The following GAA variants were observed in gnomAD, a reference collection of about 807,000 sequenced individuals.
GAA encodes the protein lysosomal alpha-glucosidase.
A neutral mutation model predicts 103.9 loss-of-function variants in GAA; 88 were observed. The observed-to-expected ratio is 0.85, with a 90% CI of 0.71 to 1.01. GAA has a LOEUF of 1.01. GAA is among the 50% of genes least tolerant of loss of function. The pLI is 0.00. For synonymous variants in GAA, 572 were observed against 563.1 expected (o/e 1.02, Z -0.22); for missense variants, 1,350 against 1,305.3 (o/e 1.03, Z -0.53).
intron 15 of GAA, among the ~76,000 whole-genome samples, chr17:80,114,102 A>AG (rs1197042592): frequency 1.3e-5 from 2 of 152,124 alleles, no homozygotes. Flanking sequence ...AAAAAAAAAA[A>AG]AAAGGTGAAC....
intron 13 of GAA, 74 bp from the exon 14 acceptor site, chr17:80,112,802 G>A (rs1249269076): frequency 1.3e-6 from 2 of 1,577,958 alleles, no homozygotes; most frequent in African/African-American, 1.3e-5. Flanking sequence ...CTTAGCAGGT[G>A]GGGCTCTGGG....
rs200524747 is a variant in GAA at position 80,105,131 on chromosome 17, C to T, written c.545C>T (p.Thr182Met). 37 of 1,604,036 alleles carry T rather than the reference C, an allele frequency of 2.3e-5. No homozygotes were observed. The highest frequency in any genetic ancestry group is 4.0e-5 in the African/African-American group (3 of 74,868). Residue 182 changes from threonine (T) to methionine (M), a missense_variant and splice_region_variant, in exon 2 of 20, where the codon ACG becomes ATG. Thr to Met is a moderately conservative substitution (Grantham distance 81, BLOSUM62 -1). Coordinates refer to ENST00000302262, the MANE Select transcript of GAA (RefSeq NM_000152.5). Reference sequence around the variant, plus strand: ...GAGACTGAGAACCGCCTCCACTTCACGGTGGGCAGGGCAGGGGCGGGGGCG... The same window carrying T: ...GAGACTGAGAACCGCCTCCACTTCATGGTGGGCAGGGCAGGGGCGGGGGCG... Reference protein sequence around the residue: ...MMETENRLHFTIKDPANRRYE... With the variant: ...MMETENRLHFMIKDPANRRYE...
At position 80,119,756 on chromosome 17, in the gene GAA, C is replaced by T. The variant is rs1358635466; in HGVS notation, c.*425C>T. 1 of 233,382 alleles carries T rather than the reference C, an allele frequency of 4.3e-6. No homozygotes were observed. Among genetic ancestry groups the T allele is most frequent in the Admixed American group, 5.0e-5 (1 of 19,994 alleles). 14.5% of individuals were successfully genotyped at this position (233,382 alleles called of 1,614,324 possible). The stretch of plus-strand genomic sequence containing the variant: ...CTGCCCCAACGCGACCGCTGCCCGG[C>T]TGCCCAGAGGGCTGGATGCCTGCCG... On this transcript the variant is annotated 3_prime_UTR_variant, in exon 20 of 20. Transcript: ENST00000302262.
rs121907938 is a variant in GAA at position 80,113,350 on chromosome 17, C to T, written c.2173C>T (p.Arg725Trp). ...QAHVAGETVA[R>W]PLFLEFPKDS... is the part of the protein sequence containing the mutation. ...CCACGTCGCGGGGGAGACCGTGGCCCGGCCCCTCTTCCTGGAGTGAGTGAC... is the reference window on the plus strand; with the variant it reads ...CCACGTCGCGGGGGAGACCGTGGCCTGGCCCCTCTTCCTGGAGTGAGTGAC... Residue 725 changes from arginine to tryptophan, a missense_variant, in exon 15 of 20, where the codon CGG becomes TGG. Transcript: ENST00000302262. 21 of 1,584,872 alleles carry T rather than the reference C, an allele frequency of 1.3e-5. No individual in the cohort carries two copies. The highest frequency in any genetic ancestry group is 2.3e-5 in the East Asian group (1 of 43,512).
intron 1 of GAA, among the ~76,000 whole-genome samples, chr17:80,103,727 C>T (rs528836976): frequency 7.2e-5 from 11 of 152,272 alleles, no homozygotes; most frequent in Non-Finnish European, 1.3e-4. Flanking sequence ...TCCCCATGTA[C>T]CTCGGGGGCC....
Position 80,112,073 on chromosome 17 carries a change from G to A in GAA, c.1727G>A (p.Gly576Asp), listed in dbSNP as rs1555601255. 2 of 1,614,018 alleles carry A rather than the reference G, an allele frequency of 1.2e-6. No individual in the cohort carries two copies. Among genetic ancestry groups the A allele is most frequent in the South Asian group, 1.1e-5 (1 of 91,088 alleles). The change falls in exon 12 of 20, where the codon GGC becomes GAC. Residue 576 changes from glycine to aspartate, a missense_variant. Transcript: ENST00000302262. ...STHYNLHNLY[G>D]LTEAIASHRA... is the part of the protein sequence containing the mutation. The stretch of plus-strand genomic sequence containing the variant: ...CACTACAACCTGCACAACCTCTACG[G>A]CCTGACCGAAGCCATCGCCTCCCAC...
Position 80,108,516 on chromosome 17 carries a change from G to T in GAA, c.1103G>T (p.Gly368Val), listed in dbSNP as rs368244038. Residue 368 changes from glycine to valine, a missense_variant, in exon 7 of 20, where the codon GGC becomes GTC. Coordinates refer to ENST00000302262, the MANE Select transcript of GAA (RefSeq NM_000152.5). The stretch of plus-strand genomic sequence containing the variant: ...TACCCGTTCATGCCGCCATACTGGG[G>T]CCTGGGCTTCCACCTGTGCCGCTGG... ...VGYPFMPPYW[G>V]LGFHLCRWGY... The T allele has an allele frequency of 1.2e-6, 2 of 1,613,004 alleles. No homozygotes were observed. Among genetic ancestry groups the T allele is most frequent in the African/African-American group, 1.3e-5 (1 of 74,932 alleles).
intron 16 of GAA, 130 bp from the exon 17 acceptor site, chr17:80,117,470 A>G: frequency 9.1e-7 from 1 of 1,092,920 alleles, no homozygotes; most frequent in African/African-American, 1.5e-5. Flanking sequence ...CTGAAGTCAC[A>G]GTTCAGCCCG....
rs769733901 is a variant in GAA at position 80,104,670 on chromosome 17, G to A, written c.84G>A (p.Gly28=). Residue 28 remains glycine (G), a synonymous_variant, in exon 2 of 20, where the codon GGG becomes GGA. Coordinates refer to ENST00000302262, the MANE Select transcript of GAA (RefSeq NM_000152.5). The surrounding 1 kb of genome is among the most constrained non-coding windows in gnomAD (Gnocchi z 4.0). Reference sequence around the variant, plus strand: ...CCTTGGCAACCGCTGCACTCCTGGGGCACATCCTACTCCATGATTTCCTGC... The same window carrying A: ...CCTTGGCAACCGCTGCACTCCTGGGACACATCCTACTCCATGATTTCCTGC... ...LVSLATAALL[G]HILLHDFLLV... 3 of 1,613,318 alleles carry A rather than the reference G, an allele frequency of 1.9e-6. No homozygotes were observed. The highest frequency in any genetic ancestry group is 1.1e-5 in the South Asian group (1 of 91,078).
rs1319931632 is a variant in GAA, at chr17:80,118,695, G to A, written c.2689G>A (p.Ala897Thr). The A allele has an allele frequency of 6.2e-7, 1 of 1,613,096 alleles. No individual in the cohort carries two copies. Residue 897 changes from alanine (A) to threonine (T), a missense_variant, in exon 19 of 20, where the codon GCT becomes ACT. Transcript: ENST00000302262. ...GCTGGTACGTGTGACCAGTGAGGGA[G>A]CTGGCCTGCAGCTGCAGAAGGTGAC... ...NELVRVTSEG[A>T]GLQLQKVTVL...
At chr17:80,112,846 C>T (rs748953146) in intron 13 of GAA, 30 bp from the exon 14 acceptor site, 24 of 1,599,132 alleles carry the variant, frequency 1.5e-5, no homozygotes, top group Non-Finnish European at 1.9e-5. Context: ...CTGCAGCAGC[C>T]TGAGGACCAG....
Position 80,105,832 on chromosome 17 carries a change from C to T in GAA, c.630C>T (p.Ser210=), listed in dbSNP as rs775568949. The T allele has an allele frequency of 6.2e-6, 10 of 1,609,876 alleles. No individual in the cohort carries two copies. Among genetic ancestry groups the T allele is most frequent in the South Asian group, 4.4e-5 (4 of 91,084 alleles). The change falls in exon 3 of 20, where the codon AGC becomes AGT. Residue 210 remains serine, a synonymous_variant. Transcript: ENST00000302262. ...VHSRAPSPLY[S]VEFSEEPFGV... The stretch of plus-strand genomic sequence containing the variant: ...GCCGGGCACCGTCCCCACTCTACAG[C>T]GTGGAGTTCTCCGAGGAGCCCTTCG...
At position 80,104,635 on chromosome 17, in the gene GAA, G is replaced by A. The variant is rs751425831; in HGVS notation, c.49G>A (p.Ala17Thr). ...PCSHRLLAVC[A>T]LVSLATAALL... ...CTCCCACCGGCTCCTGGCCGTCTGC[G>A]CCCTCGTGTCCTTGGCAACCGCTGC... Residue 17 changes from alanine (A) to threonine (T), a missense_variant, in exon 2 of 20, where the codon GCC (alanine) becomes ACC (threonine). By Grantham distance (58) the Ala-to-Thr change is moderately conservative (BLOSUM62 0). Coordinates refer to ENST00000302262, the MANE Select transcript of GAA (RefSeq NM_000152.5). The surrounding 1 kb of genome is among the most constrained non-coding windows in gnomAD (Gnocchi z 4.0). 18 of 1,612,864 alleles carry A rather than the reference G, an allele frequency of 1.1e-5. No homozygotes were observed. Among genetic ancestry groups the A allele is most frequent in the Non-Finnish European group, 1.4e-5 (17 of 1,179,952 alleles).
Position 80,119,353 on chromosome 17 carries a change from C to G in GAA, c.*22C>G. On this transcript the variant is annotated 3_prime_UTR_variant, in exon 20 of 20. Coordinates refer to ENST00000302262, the MANE Select transcript of GAA (RefSeq NM_000152.5). ...TTAGCCGGGCGGAGTGTGTTAGTCTCTCCAGAGGGAGGCTGGTTCCCCAGG... is the reference window on the plus strand; with the variant it reads ...TTAGCCGGGCGGAGTGTGTTAGTCTGTCCAGAGGGAGGCTGGTTCCCCAGG... 6.2e-7 allele frequency: 1 copy of G among 1,607,418 alleles called. No homozygotes were observed. The highest frequency in any genetic ancestry group is 8.5e-7 in the Non-Finnish European group (1 of 1,174,102).
rs764797280 is a variant in GAA at position 80,104,807 on chromosome 17, G to A, written c.221G>A (p.Arg74His). 2.0e-5 allele frequency: 33 copies of A among 1,611,938 alleles called. No homozygotes were observed. The highest frequency in any genetic ancestry group is 1.7e-4 in the Admixed American group (10 of 59,928). The change falls in exon 2 of 20, where the codon CGT becomes CAT. Residue 74 changes from arginine to histidine, a missense_variant. Arg to His is a conservative substitution (Grantham distance 29). Transcript: ENST00000302262. The surrounding 1 kb of genome is among the most constrained non-coding windows in gnomAD (Gnocchi z 4.0). Reference protein sequence around the residue: ...GPRDAQAHPGRPRAVPTQCDV... With the variant: ...GPRDAQAHPGHPRAVPTQCDV... ...CGGGATGCCCAGGCACACCCCGGCC[G>A]TCCCAGAGCAGTGCCCACACAGTGC...
In GAA at chr17:80,111,030, G is replaced by C; in HGVS notation, c.1636+5G>C. On this transcript the variant is annotated splice_donor_5th_base_variant and intron_variant, in intron 11 of 19. Transcript: ENST00000302262. ...AGAACCCACCCTACGTGCCTGGTCA[G>C]CTCGCCCCCCACCTACCCTGGGGAC... 1.2e-6 allele frequency: 2 copies of C among 1,613,430 alleles called. No individual in the cohort carries two copies. Among genetic ancestry groups the C allele is most frequent in the Non-Finnish European group, 1.7e-6 (2 of 1,179,838 alleles).
At chr17:80,110,644 C>A in intron 9 of GAA, 83 bp from the exon 10 acceptor site, 1 of 1,221,950 alleles carries the variant, frequency 8.2e-7, no homozygotes, top group Non-Finnish European at 1.2e-6. Context: ...GGCTGCCCCT[C>A]TGCTCAGGCT....
chr17:80,110,679 G>T, intron 9 of GAA, 48 bp from the exon 10 acceptor site: 1 of 1,531,862 alleles, frequency 6.5e-7, no homozygotes, highest in Non-Finnish European at 9.0e-7. Flanking sequence ...CTTCCATGCA[G>T]GCCCTGGGTG....
chr17:80,103,762 C>T (rs55666739), intron 1 of GAA, among the ~76,000 whole-genome samples: 1 of 152,134 alleles, frequency 6.6e-6, no homozygotes, highest in Non-Finnish European at 1.5e-5. Context: ...TCTGCAAAGT[C>T]GCCAGAGGTT....
Sources: allele counts gnomAD v4.1 joint callset (sites outside exome capture counted in the v4.1 genomes callset), GRCh38; gene constraint gnomAD v4.1.1; non-coding constraint Gnocchi (gnomAD v3.1); transcripts MANE v1.5; gene names NCBI Gene and HGNC (gene_info 2026-07-23, HGNC 2026-07-21).